The following CHODL variants were observed in gnomAD, a reference collection of about 807,000 sequenced individuals.
CHODL encodes transmembrane protein MT75.
Under a neutral mutation model 34.5 loss-of-function variants are expected in CHODL, and 29 were observed. That is an observed-to-expected ratio of 0.84 (90% CI 0.63 to 1.15). The LOEUF (loss-of-function observed/expected upper bound fraction) is 1.15, where lower values mean the gene tolerates loss of function less well. Ranked by LOEUF, CHODL falls within the 50% of genes most tolerant of loss-of-function variation. The probability of loss-of-function intolerance (pLI) is 0.00; values close to 1 mark genes in which losing one functional copy is unlikely to be tolerated. For synonymous variants in CHODL, 125 were observed against 116.1 expected, an observed-to-expected ratio of 1.08 and a Z score of -0.49; for missense variants, 332 against 332.5, an observed-to-expected ratio of 1.00 and a Z score of 0.01.
chr21:18,048,334 G>T lies in CHODL; in HGVS notation c.-45+20363G>T, dbSNP rs982867867. Among the ~76,000 whole-genome samples, 10 of 151,914 alleles carry T rather than the reference G, an allele frequency of 6.6e-5. 1 individual carries two copies. The highest frequency in any genetic ancestry group is 2.0e-4 in the Admixed American group (3 of 15,242). On this transcript the variant is annotated intron_variant, in intron 2 of 6. Coordinates refer to the CHODL transcript ENST00000400127. ...GTGAAAATAATATGGAGTCCCAGAA[G>T]TTTTAAAATATTTATTTCTTTGTGA... is the stretch of plus-strand genomic sequence containing the variant.
At chr21:18,143,150 T>C (rs1381901444) in intron 2 of CHODL, among the ~76,000 whole-genome samples, 2 of 152,190 alleles carry the variant, frequency 1.3e-5, no homozygotes, top group South Asian at 2.1e-4. Context: ...AATGAATTGA[T>C]AGTTACATAA....
At chr21:17,978,724 A>G (rs2063689981) in intron 1 of CHODL, among the ~76,000 whole-genome samples, 2 of 86,552 alleles carry the variant, frequency 2.3e-5, no homozygotes, top group South Asian at 5.4e-4. Context: ...CTCAAAAAAG[A>G]AAAAAAAAGA....
rs748769577 is a variant in CHODL at position 17,987,320 on chromosome 21, C to G, written c.-144-40552C>G. Among the ~76,000 whole-genome samples, 9 of 152,122 alleles carry G rather than the reference C, an allele frequency of 5.9e-5. No homozygotes were observed. The East Asian group carries it at 1.7e-3, about 29-fold the overall frequency. On this transcript the variant is annotated intron_variant, in intron 1 of 6. Transcript: ENST00000400127. Reference sequence around the variant, plus strand: ...GACATATAGAAACAAATATCCAGGCCAGAATTACTTCTTCAAAATATCTTT... The same window carrying G: ...GACATATAGAAACAAATATCCAGGCGAGAATTACTTCTTCAAAATATCTTT...
intron 1 of CHODL, among the ~76,000 whole-genome samples, chr21:17,999,202 C>A (rs531564908): frequency 2.6e-5 from 4 of 152,340 alleles, no homozygotes; most frequent in African/African-American, 9.6e-5. Flanking sequence ...CAAGAATCAC[C>A]TTTGCTGCAG....
chr21:18,234,681 C>T (rs9974351), intron 2 of CHODL, among the ~76,000 whole-genome samples: 49,216 of 151,798 alleles, frequency 0.32, 10,636 homozygotes, highest in African/African-American at 0.62. Context: ...GTGGGTTATC[C>T]ACACATGTCA....
At chr21:17,981,021 T>C (rs1463273546) in intron 1 of CHODL, among the ~76,000 whole-genome samples, 3 of 152,210 alleles carry the variant, frequency 2.0e-5, no homozygotes, top group Admixed American at 1.3e-4. Flanking sequence ...AGATAATTTA[T>C]GTAAAGCTTA....
chr21:18,038,051 T>A (rs968202002), intron 2 of CHODL, among the ~76,000 whole-genome samples: 6 of 151,792 alleles, frequency 4.0e-5, no homozygotes, highest in African/African-American at 9.7e-5. Context: ...CAATTTTTTT[T>A]AATCAGAAAA....
chr21:18,033,527 T>C (rs987107139), intron 2 of CHODL, among the ~76,000 whole-genome samples: 1 of 152,046 alleles, frequency 6.6e-6, no homozygotes, highest in African/African-American at 2.4e-5. Flanking sequence ...TTATTTATGG[T>C]AAGATACCAC....
intron 1 of CHODL, among the ~76,000 whole-genome samples, chr21:17,919,093 T>C (rs910877427): frequency 2.0e-5 from 3 of 152,208 alleles, no homozygotes; most frequent in African/African-American, 7.2e-5. Flanking sequence ...CCTGGCTGCC[T>C]TCATGGGCTG....
At chr21:18,212,723 T>G (rs1601155092) in intron 2 of CHODL, among the ~76,000 whole-genome samples, 1 of 152,136 alleles carries the variant, frequency 6.6e-6, no homozygotes, top group African/African-American at 2.4e-5. Flanking sequence ...CTGTAAATAT[T>G]CACTTGAATT....
chr21:17,949,620 G>GA (rs1249759775), intron 1 of CHODL, among the ~76,000 whole-genome samples: 1 of 152,142 alleles, frequency 6.6e-6, no homozygotes, highest in Non-Finnish European at 1.5e-5. Context: ...CCTGGAATGA[G>GA]AGAGACCATG....
Position 18,266,693 on chromosome 21 carries a change from C to T in CHODL, c.*655C>T, listed in dbSNP as rs909934603. ...GCTATTTCATTAAGTGTGATATAAA[C>T]CTCCTCAAACATTTTACTTAGAGGC... On this transcript the variant is annotated 3_prime_UTR_variant, in exon 6 of 6. Coordinates refer to ENST00000299295, the MANE Select transcript of CHODL (RefSeq NM_024944.3). 1 of 152,830 alleles carries T rather than the reference C, an allele frequency of 6.5e-6. No homozygotes were observed. Among genetic ancestry groups the T allele is most frequent in the African/African-American group, 2.4e-5 (1 of 41,424 alleles). 9.5% of individuals were successfully genotyped at this position (152,830 alleles called of 1,614,324 possible). A position where few individuals can be genotyped will look rare whatever the true frequency, so the allele number is the denominator to read the frequency against.
At chr21:17,948,910 G>A (rs149181137) in intron 1 of CHODL, among the ~76,000 whole-genome samples, 43 of 152,204 alleles carry the variant, frequency 2.8e-4, no homozygotes, top group African/African-American at 9.9e-4. Context: ...ATTCTACCAG[G>A]CCAGCATTAT....
chr21:17,956,465 T>C lies in CHODL; in HGVS notation c.-145+39065T>C, dbSNP rs1370422328. On this transcript the variant is annotated intron_variant, in intron 1 of 6. Transcript: ENST00000400127. ...TTACCTAGTCTCAGATATTTCTTTA[T>C]TGCAATGCAAGAACAACCTAAGATA... Among the ~76,000 whole-genome samples the C allele has an allele frequency of 1.5e-5, 2 of 137,200 alleles. 1 individual carries two copies. 90.0% of individuals were successfully genotyped at this position (137,200 alleles called of 152,430 possible). A position where few individuals can be genotyped will look rare whatever the true frequency, so the allele number is the denominator to read the frequency against.
chr21:18,067,019 G>T (rs1340927549), intron 2 of CHODL, among the ~76,000 whole-genome samples: 1 of 152,112 alleles, frequency 6.6e-6, no homozygotes, highest in East Asian at 1.9e-4. Flanking sequence ...CCCAGTCTGC[G>T]GTATTTTGTT....
At chr21:18,013,003 G>A (rs996042999) in intron 1 of CHODL, among the ~76,000 whole-genome samples, 1 of 152,116 alleles carries the variant, frequency 6.6e-6, no homozygotes, top group Non-Finnish European at 1.5e-5. Context: ...GGAAGTTCTG[G>A]TAATTATCTC....
At chr21:18,134,035 G>A (rs183090835) in intron 2 of CHODL, among the ~76,000 whole-genome samples, 15 of 152,206 alleles carry the variant, frequency 9.9e-5, no homozygotes, top group Non-Finnish European at 5.9e-5. Context: ...ATATATCTGA[G>A]CAATTTGCTT....
intron 2 of CHODL, among the ~76,000 whole-genome samples, chr21:18,073,941 C>T (rs1332677454): frequency 6.6e-6 from 1 of 151,886 alleles, no homozygotes; most frequent in Non-Finnish European, 1.5e-5. Flanking sequence ...AATTTCATAA[C>T]ATTTAGCTTG....
intron 1 of CHODL, among the ~76,000 whole-genome samples, chr21:17,963,550 A>G (rs931416632): frequency 6.6e-6 from 1 of 152,158 alleles, no homozygotes; most frequent in African/African-American, 2.4e-5. Context: ...AGATCTCATG[A>G]GACTTATTCA....
Sources: allele counts gnomAD v4.1 joint callset (sites outside exome capture counted in the v4.1 genomes callset), GRCh38; gene constraint gnomAD v4.1.1; transcripts MANE v1.5; gene names NCBI Gene and HGNC (gene_info 2026-07-23, HGNC 2026-07-21).